LINGO1: variants seen among roughly 807,000 people sequenced by gnomAD.
The protein encoded by LINGO1 is leucine-rich repeat and immunoglobulin-like domain-containing nogo receptor-interacting protein 1.
A neutral mutation model predicts 37.3 loss-of-function variants in LINGO1; 11 were observed. The ratio of observed to expected loss-of-function variants is 0.29; its 90% CI spans 0.19 to 0.49. The LOEUF (loss-of-function observed/expected upper bound fraction) is 0.49, where lower values mean the gene tolerates loss of function less well. LINGO1 is among the 20% of genes least tolerant of loss of function. The probability of loss-of-function intolerance (pLI) is 0.99; values close to 1 mark genes in which losing one functional copy is unlikely to be tolerated. For synonymous variants in LINGO1, 387 were observed against 403.0 expected (o/e 0.96, Z 0.48); for missense variants, 585 against 878.2 (o/e 0.67, Z 4.22).
At chr15:77,641,465 G>C (rs1460327876) in intron 3 of LINGO1, among the ~76,000 whole-genome samples, 1 of 152,202 alleles carries the variant, frequency 6.6e-6, no homozygotes, top group Non-Finnish European at 1.5e-5. Flanking sequence ...CTGGGACCCA[G>C]GGCGGCTGCT....
At chr15:77,790,901 G>C (rs2076813700), upstream of LINGO1, among the ~76,000 whole-genome samples, 1 of 152,188 alleles carries the variant, frequency 6.6e-6, no homozygotes, top group South Asian at 2.1e-4. Flanking sequence ...TGCAAGTAAA[G>C]GTCAGAGGAC....
At chr15:77,690,007 T>C (rs1307713354) in intron 2 of LINGO1, among the ~76,000 whole-genome samples, 1 of 152,160 alleles carries the variant, frequency 6.6e-6, no homozygotes, top group Non-Finnish European at 1.5e-5. Context: ...AAACTGAAGC[T>C]CAGAGAGGCA....
upstream of LINGO1, among the ~76,000 whole-genome samples, chr15:77,790,691 C>T (rs1441988913): frequency 6.6e-6 from 1 of 152,154 alleles, no homozygotes; most frequent in Non-Finnish European, 1.5e-5. Context: ...CGTGCTGGGC[C>T]CCCCGCTGGG....
chr15:77,645,509 G>A (rs1000060025), intron 3 of LINGO1, among the ~76,000 whole-genome samples: 3 of 151,966 alleles, frequency 2.0e-5, no homozygotes, highest in African/African-American at 4.8e-5. Context: ...GGACGTGCAC[G>A]CCTCATGGCT....
At position 77,794,378 on chromosome 15, in the gene LINGO1, A is replaced by ATATG. The variant is rs1361078445; in HGVS notation, c.-343+1560_-343+1561insCATA. Among the ~76,000 whole-genome samples the ATATG allele has an allele frequency of 3.5e-5, 2 of 56,374 alleles. 1 individual carries two copies. Among genetic ancestry groups the ATATG allele is most frequent in the Non-Finnish European group, 7.4e-5 (2 of 26,852 alleles). 37.0% of individuals were successfully genotyped at this position (56,374 alleles called of 152,430 possible). On this transcript the variant is annotated intron_variant, in intron 2 of 5. Coordinates refer to the LINGO1 transcript ENST00000562933. ...TATATATGTGTATATACATACGTAT[A>ATATG]TGTATATACATACATATATACGTAT...
chr15:77,808,500 C>T (rs1427798171), intron 1 of LINGO1, among the ~76,000 whole-genome samples: 2 of 152,176 alleles, frequency 1.3e-5, no homozygotes, highest in African/African-American at 4.8e-5. Context: ...CTGAATCCCT[C>T]CTTCACCTGG....
intron 3 of LINGO1, among the ~76,000 whole-genome samples, chr15:77,675,636 A>G (rs1370798036): frequency 6.6e-6 from 1 of 150,688 alleles, no homozygotes; most frequent in African/African-American, 2.5e-5. Flanking sequence ...CTTGGGAGGA[A>G]AAGACTACAG....
At chr15:77,719,617 G>A (rs1156642430) in intron 2 of LINGO1, among the ~76,000 whole-genome samples, 1 of 149,824 alleles carries the variant, frequency 6.7e-6, no homozygotes, top group Admixed American at 6.7e-5. Context: ...ATTTTGATAA[G>A]AAACCTCTCA....
At chr15:77,626,905 A>T (rs1376195376) in intron 1 of LINGO1, among the ~76,000 whole-genome samples, 3 of 152,084 alleles carry the variant, frequency 2.0e-5, no homozygotes, top group African/African-American at 7.2e-5. Flanking sequence ...CAGCTCTGAG[A>T]TGCCCCCGTG....
chr15:77,672,498 C>A (rs558425855), intron 3 of LINGO1, among the ~76,000 whole-genome samples: 1 of 152,212 alleles, frequency 6.6e-6, no homozygotes, highest in South Asian at 2.1e-4. Flanking sequence ...GGCAGGGATG[C>A]AGAGTGGGGT....
intron 1 of LINGO1, among the ~76,000 whole-genome samples, chr15:77,739,159 G>T (rs372924309): frequency 6.6e-6 from 1 of 152,248 alleles, no homozygotes. Context: ...CGGGGGGCCA[G>T]GATGCCTGCC....
At chr15:77,623,590 C>T (rs1438920058) in intron 1 of LINGO1, among the ~76,000 whole-genome samples, 1 of 152,216 alleles carries the variant, frequency 6.6e-6, no homozygotes. Flanking sequence ...TGAGCTCCTG[C>T]AGGAGAAAGC....
At chr15:77,746,130 C>G (rs2076312018) in intron 1 of LINGO1, among the ~76,000 whole-genome samples, 1 of 150,924 alleles carries the variant, frequency 6.6e-6, no homozygotes, top group East Asian at 2.0e-4. Flanking sequence ...ATCACTTGAG[C>G]CTAGGAAGTC....
At chr15:77,618,443 C>T (rs1336083481) in intron 1 of LINGO1, among the ~76,000 whole-genome samples, 1 of 152,130 alleles carries the variant, frequency 6.6e-6, no homozygotes, top group African/African-American at 2.4e-5. Context: ...CCTTTGCAAC[C>T]TTCCACCCCA....
At chr15:77,677,539 T>C (rs1375152530) in intron 2 of LINGO1, among the ~76,000 whole-genome samples, 1 of 151,948 alleles carries the variant, frequency 6.6e-6, no homozygotes, top group African/African-American at 2.4e-5. Context: ...CACCCCATTC[T>C]CTCTGAGACT....
chr15:77,738,807 GGAA>G (rs1567555936), intron 1 of LINGO1, among the ~76,000 whole-genome samples: 3 of 145,684 alleles, frequency 2.1e-5, no homozygotes, highest in East Asian at 4.0e-4. Context: ...AAGGAAGGAA[GGAA>G]GGAAAGAAGG....
intron 1 of LINGO1, among the ~76,000 whole-genome samples, chr15:77,774,749 A>C (rs1437089846): frequency 6.6e-6 from 1 of 152,182 alleles, no homozygotes; most frequent in Non-Finnish European, 1.5e-5. Context: ...AGATGAAAAG[A>C]AGCCTCCTGA....
At chr15:77,790,605 G>C (rs954506438), upstream of LINGO1, among the ~76,000 whole-genome samples, 1 of 152,120 alleles carries the variant, frequency 6.6e-6, no homozygotes, top group Non-Finnish European at 1.5e-5. Flanking sequence ...CAATGCCCTG[G>C]GGAGGCCCCA....
chr15:77,771,266 T>C (rs2076582456), intron 1 of LINGO1, among the ~76,000 whole-genome samples: 1 of 152,230 alleles, frequency 6.6e-6, no homozygotes. Context: ...GCAATATCAT[T>C]ACAGCATCAC....
Sources: gnomAD v4.1 joint callset for allele counts (sites outside exome capture counted in the v4.1 genomes callset) on GRCh38, gnomAD v4.1.1 for gene constraint, MANE v1.5 for transcripts, NCBI Gene and HGNC (gene_info 2026-07-23, HGNC 2026-07-21) for gene names.